Variants in GPR176 observed in about 807,000 individuals in gnomAD.
GPR176 encodes G-protein coupled receptor 176.
GPR176 carries 26 observed loss-of-function variants against 35.4 expected under a neutral mutation model. The observed-to-expected ratio is 0.74, with a 90% confidence interval of 0.54 to 1.02. The LOEUF is 1.02. Among genes scored for constraint, GPR176 ranks in the 50% least tolerant of loss-of-function variants. GPR176 has a pLI of 0.00. For missense variants in GPR176, 597 were observed against 665.3 expected (o/e 0.90, Z 1.13); for synonymous variants, 278 against 271.3 (o/e 1.02, Z -0.24).
At position 39,801,298 on chromosome 15, in the gene GPR176, G is replaced by A. The variant is rs749804557; in HGVS notation, c.1382C>T (p.Pro461Leu). The change falls in exon 3 of 3, where the codon CCT becomes CTT. Residue 461 changes from proline to leucine, a missense_variant. Transcript: ENST00000561100. ...LQFGFGPFEL[P>L]PQWLSETRNS... ...TCGGGTCTCTGAGAGCCACTGAGGA[G>A]GCAACTCAAAAGGCCCAAAGCCAAA... The A allele has an allele frequency of 9.9e-6, 16 of 1,614,144 alleles. No individual in the cohort carries two copies. Among genetic ancestry groups the A allele is most frequent in the East Asian group, 4.5e-5 (2 of 44,882 alleles).
At chr15:39,902,878 T>C (rs1227576529) in intron 1 of GPR176, among the ~76,000 whole-genome samples, 1 of 152,190 alleles carries the variant, frequency 6.6e-6, no homozygotes, top group African/African-American at 2.4e-5. Context: ...AGAGATGTCC[T>C]CAAAAATTCT....
chr15:39,805,055 G>C (rs1899106512), intron 2 of GPR176, among the ~76,000 whole-genome samples: 1 of 152,118 alleles, frequency 6.6e-6, no homozygotes, highest in African/African-American at 2.4e-5. Flanking sequence ...AAAATTCATT[G>C]ACTTGTATAC....
chr15:39,892,485 T>G (rs942536110), intron 1 of GPR176, among the ~76,000 whole-genome samples: 5 of 152,236 alleles, frequency 3.3e-5, no homozygotes, highest in Admixed American at 6.5e-5. Context: ...GATATGTTCA[T>G]GTAATAACCC....
Position 39,799,513 on chromosome 15 carries a change from C to G in GPR176, c.*1619G>C, listed in dbSNP as rs916670604. ...GTTCACATTCAGAAACACAAGACAC[C>G]ACACCCAAGAGAAGAAAGGAAAACA... On this transcript the variant is annotated 3_prime_UTR_variant, in exon 3 of 3. Coordinates refer to ENST00000561100, the MANE Select transcript of GPR176 (RefSeq NM_007223.3). 2 of 152,194 alleles carry G rather than the reference C, an allele frequency of 1.3e-5. No homozygotes were observed. Among genetic ancestry groups the G allele is most frequent in the African/African-American group, 2.4e-5 (1 of 41,418 alleles). The allele number at this position is 152,194 out of a possible 1,614,324, so 9.4% of individuals were successfully genotyped here. A position where few individuals can be genotyped will look rare whatever the true frequency, so the allele number is the denominator to read the frequency against.
In GPR176 at chr15:39,814,111, C is replaced by T. The variant is rs181778349; in HGVS notation, c.173-6853G>A. 3.3e-5 allele frequency among the ~76,000 whole-genome samples: 5 copies of T among 152,308 alleles called. No homozygotes were observed. The East Asian group carries it at 9.6e-4, about 29-fold the overall frequency. ...TGCAGCCTCACTAAAATGTTTGCAA[C>T]TGTGCATGTTACCTCTATCCTAGGA... On this transcript the variant is annotated intron_variant, in intron 1 of 2. Transcript: ENST00000561100.
intron 1 of GPR176, among the ~76,000 whole-genome samples, chr15:39,914,546 G>A (rs1054445930): frequency 6.6e-6 from 1 of 152,048 alleles, no homozygotes; most frequent in African/African-American, 2.4e-5. Context: ...AACACCTCAA[G>A]TGATCTGCCC....
At chr15:39,833,153 T>C (rs1595461993) in intron 1 of GPR176, among the ~76,000 whole-genome samples, 1 of 152,262 alleles carries the variant, frequency 6.6e-6, no homozygotes, top group Middle Eastern at 3.4e-3. Flanking sequence ...CTCCCAAGTA[T>C]ACATATCCAA....
chr15:39,832,849 T>C (rs1039305450), intron 1 of GPR176, among the ~76,000 whole-genome samples: 9 of 152,286 alleles, frequency 5.9e-5, no homozygotes, highest in African/African-American at 2.2e-4. Context: ...AAAGCCAAAA[T>C]GGCTGGTCAA....
At chr15:39,900,896 CA>C (rs2033257862) in intron 1 of GPR176, among the ~76,000 whole-genome samples, 1 of 152,208 alleles carries the variant, frequency 6.6e-6, no homozygotes, top group Non-Finnish European at 1.5e-5. Flanking sequence ...AAGAAAGCTT[CA>C]GACAATTCTA....
At chr15:39,802,467 C>G (rs1212629556) in intron 2 of GPR176, among the ~76,000 whole-genome samples, 1 of 152,166 alleles carries the variant, frequency 6.6e-6, no homozygotes, top group Non-Finnish European at 1.5e-5. Flanking sequence ...AAATAAAAAC[C>G]TTTCCAAAGG....
chr15:39,827,387 C>T (rs897903034), intron 1 of GPR176, among the ~76,000 whole-genome samples: 2 of 151,904 alleles, frequency 1.3e-5, no homozygotes, highest in African/African-American at 4.8e-5. Flanking sequence ...TCTTATCAGG[C>T]AAAAAAGGAG....
intron 1 of GPR176, among the ~76,000 whole-genome samples, chr15:39,856,965 G>A (rs557315518): frequency 4.0e-5 from 6 of 151,712 alleles, no homozygotes; most frequent in East Asian, 3.9e-4. Flanking sequence ...GGAAGATTCC[G>A]GTGCACAGTA....
intron 1 of GPR176, among the ~76,000 whole-genome samples, chr15:39,850,438 T>C (rs2030777591): frequency 6.6e-6 from 1 of 152,182 alleles, no homozygotes; most frequent in South Asian, 2.1e-4. Flanking sequence ...CCAATACCCT[T>C]TTTCAAAATA....
intron 1 of GPR176, among the ~76,000 whole-genome samples, chr15:39,849,471 T>C (rs1266978265): frequency 2.0e-5 from 3 of 151,706 alleles, no homozygotes; most frequent in African/African-American, 7.3e-5. Flanking sequence ...TCAAAGAAAG[T>C]ACAAAAGAGT....
At chr15:39,810,135 G>A (rs1210829388) in intron 1 of GPR176, among the ~76,000 whole-genome samples, 25 of 138,836 alleles carry the variant, frequency 1.8e-4, no homozygotes, top group African/African-American at 5.2e-4. Flanking sequence ...GTGAGACTCC[G>A]TCTCAAAAAA....
intron 1 of GPR176, among the ~76,000 whole-genome samples, chr15:39,913,933 C>A (rs1452514755): frequency 6.6e-6 from 1 of 152,156 alleles, no homozygotes; most frequent in African/African-American, 2.4e-5. Flanking sequence ...GTAGTCCCAG[C>A]TGCTCGGGAG....
intron 1 of GPR176, among the ~76,000 whole-genome samples, chr15:39,838,557 T>C (rs573621472): frequency 7.9e-5 from 12 of 152,240 alleles, no homozygotes; most frequent in East Asian, 5.8e-4. Context: ...TAACCCAGCA[T>C]ATAAACAGAA....
In GPR176 at chr15:39,870,963, T is replaced by C. The variant is rs150166505; in HGVS notation, c.172+48892A>G. 4.5e-3 allele frequency among the ~76,000 whole-genome samples: 685 copies of C among 152,188 alleles called. 3 individuals carry two copies. The highest frequency in any genetic ancestry group is 0.014 in the African/African-American group (592 of 41,526). Reference sequence around the variant, plus strand: ...TCAGCTAAGATAATCTCAGATAAGATTGCAGCCCCCACTGACACCTTCATT... The same window carrying C: ...TCAGCTAAGATAATCTCAGATAAGACTGCAGCCCCCACTGACACCTTCATT... On this transcript the variant is annotated intron_variant, in intron 1 of 2. Transcript: ENST00000561100.
chr15:39,846,502 A>G (rs944521083), intron 1 of GPR176, among the ~76,000 whole-genome samples: 2 of 152,230 alleles, frequency 1.3e-5, no homozygotes, highest in African/African-American at 2.4e-5. Flanking sequence ...AGCATCTTCT[A>G]TCATAGTGGT....
Sources: gnomAD v4.1 joint callset for allele counts (sites outside exome capture counted in the v4.1 genomes callset) on GRCh38, gnomAD v4.1.1 for gene constraint, MANE v1.5 for transcripts, NCBI Gene and HGNC (gene_info 2026-07-23, HGNC 2026-07-21) for gene names.